The following CD200R1 variants were observed in gnomAD, a reference collection of about 807,000 sequenced individuals.
CD200R1 encodes the protein cell surface glycoprotein CD200 receptor 1.
CD200R1 carries 30 observed loss-of-function variants against 38.1 expected under a neutral mutation model. That is an observed-to-expected ratio of 0.79 (90% CI 0.59 to 1.07). The LOEUF is 1.07. Ranked by LOEUF, CD200R1 falls within the 50% of genes least tolerant of loss-of-function variation. The pLI, the probability that CD200R1 is intolerant of heterozygous loss-of-function variation, is 0.00. For missense variants in CD200R1, 372 were observed against 415.4 expected, an observed-to-expected ratio of 0.90 and a Z score of 0.91; for synonymous variants, 128 against 152.1, an observed-to-expected ratio of 0.84 and a Z score of 1.16.
At chr3:112,965,032 C>A (rs1351950777) in intron 1 of CD200R1, among the ~76,000 whole-genome samples, 1 of 152,182 alleles carries the variant, frequency 6.6e-6, no homozygotes, top group Non-Finnish European at 1.5e-5. Flanking sequence ...ATTATAAGAC[C>A]TTCCCAGCCA....
At chr3:112,945,787 T>C (rs368878019) in intron 2 of CD200R1, among the ~76,000 whole-genome samples, 1 of 152,122 alleles carries the variant, frequency 6.6e-6, no homozygotes, top group Non-Finnish European at 1.5e-5. Context: ...CACAGCACTT[T>C]GGAAGGCCGA....
At chr3:112,966,588 A>C (rs1933168901) in intron 1 of CD200R1, among the ~76,000 whole-genome samples, 1 of 152,188 alleles carries the variant, frequency 6.6e-6, no homozygotes. Context: ...CTTTAGGAAA[A>C]GGTAGCATTC....
intron 3 of CD200R1, 130 bp from the exon 4 acceptor site, chr3:112,929,637 T>C (rs933015700): frequency 6.1e-6 from 5 of 815,060 alleles, no homozygotes; most frequent in Admixed American, 3.3e-5. Flanking sequence ...ATATTAGACC[T>C]TCATAAAAAA....
chr3:112,944,448 T>C, intron 2 of CD200R1, among the ~76,000 whole-genome samples: 1 of 148,384 alleles, frequency 6.7e-6, no homozygotes, highest in East Asian at 2.0e-4. Flanking sequence ...TATGATTTTT[T>C]AAAAACTCTC....
chr3:112,958,923 T>C (rs1237135102), intron 1 of CD200R1, among the ~76,000 whole-genome samples: 1 of 152,076 alleles, frequency 6.6e-6, no homozygotes, highest in Non-Finnish European at 1.5e-5. Context: ...AGCAAGCATA[T>C]ACACCCACAC....
chr3:112,953,076 GT>G lies in CD200R1; in HGVS notation c.68-5153del, dbSNP rs756463480. On this transcript the variant is annotated intron_variant, in intron 1 of 7. Transcript: ENST00000308611. ...GGCTTTCCATTTTCCCCCATAAAGT[GT>G]GAAGCTAGCTGTGAGTTTTTCATGT... Among the ~76,000 whole-genome samples the G allele has an allele frequency of 1.3e-3, 205 of 152,300 alleles. 4 individuals are homozygous for G. The highest frequency in any genetic ancestry group is 1.2e-3 in the Admixed American group (18 of 15,304).
At chr3:112,965,353 T>C (rs1215909783) in intron 1 of CD200R1, among the ~76,000 whole-genome samples, 1 of 152,202 alleles carries the variant, frequency 6.6e-6, no homozygotes, top group Non-Finnish European at 1.5e-5. Flanking sequence ...TAGACTTAAG[T>C]CTTTCAAGAA....
chr3:112,955,217 G>T (rs965698208), intron 1 of CD200R1, among the ~76,000 whole-genome samples: 7 of 152,172 alleles, frequency 4.6e-5, no homozygotes, highest in Non-Finnish European at 1.0e-4. Context: ...TGTAGCTGAA[G>T]GATGGAATGT....
At chr3:112,955,898 T>A (rs1941088206) in intron 1 of CD200R1, among the ~76,000 whole-genome samples, 1 of 152,112 alleles carries the variant, frequency 6.6e-6, no homozygotes, top group African/African-American at 2.4e-5. Flanking sequence ...GTTTTTATGT[T>A]ATGTTATTGC....
intron 1 of CD200R1, 80 bp downstream of exon 1, chr3:112,974,711 C>T: frequency 1.1e-6 from 1 of 946,182 alleles, no homozygotes; most frequent in Non-Finnish European, 1.7e-6. Context: ...TGTATTGCCC[C>T]AGAAGAAAGA....
chr3:112,931,608 G>C lies in CD200R1; in HGVS notation c.137-437C>G, dbSNP rs1940443182. On this transcript the variant is annotated intron_variant, in intron 2 of 7. Coordinates refer to ENST00000308611, the MANE Select transcript of CD200R1 (RefSeq NM_138806.4). The stretch of plus-strand genomic sequence containing the variant: ...TTAATACAGCAGTGCCCTTTCTCAA[G>C]AATTTTAGAAGCAAAACTGAGAAGG... 2.0e-5 allele frequency among the ~76,000 whole-genome samples: 3 copies of C among 152,236 alleles called. No homozygotes were observed. The Middle Eastern group carries it at 0.01, about 518-fold the overall frequency.
intron 2 of CD200R1, among the ~76,000 whole-genome samples, chr3:112,936,435 T>C (rs1940583861): frequency 1.3e-5 from 2 of 152,248 alleles, no homozygotes; most frequent in African/African-American, 4.8e-5. Context: ...GTAAAAGTGT[T>C]CCTTTTTCTC....
At position 112,928,991 on chromosome 3, in the gene CD200R1, A is replaced by G. The variant is rs1940349368; in HGVS notation, c.594T>C (p.Ala198=). 1 of 1,613,998 alleles carries G rather than the reference A, an allele frequency of 6.2e-7. No homozygotes were observed. The highest frequency in any genetic ancestry group is 8.5e-7 in the Non-Finnish European group (1 of 1,180,008). ...CCTCTGGGATCCAGGAGATATGCGC[A>G]GCTGGCTTCCCTGCAACTGCCTTGC... ...AVCKAVAGKP[A]AHISWIPEGD... Residue 198 remains alanine (A), a synonymous_variant, in exon 5 of 8, where the codon GCT becomes GCC. Transcript: ENST00000308611.
chr3:112,925,016 G>T, intron 6 of CD200R1, 69 bp downstream of exon 6: 1 of 907,342 alleles, frequency 1.1e-6, no homozygotes, highest in Non-Finnish European at 1.8e-6. Flanking sequence ...AATACGGTCA[G>T]TTCCATATTT....
At chr3:112,960,070 G>T (rs1470074950) in intron 1 of CD200R1, among the ~76,000 whole-genome samples, 1 of 151,928 alleles carries the variant, frequency 6.6e-6, no homozygotes. Context: ...AAGATTCAGG[G>T]TTTCATTTTA....
At chr3:112,940,846 C>T (rs540287854) in intron 2 of CD200R1, among the ~76,000 whole-genome samples, 17 of 151,680 alleles carry the variant, frequency 1.1e-4, no homozygotes, top group African/African-American at 3.4e-4. Context: ...AAATATCTAT[C>T]TGCACCCCTA....
intron 1 of CD200R1, among the ~76,000 whole-genome samples, chr3:112,952,444 T>TACTA (rs1940987469): frequency 6.6e-6 from 1 of 152,178 alleles, no homozygotes; most frequent in South Asian, 2.1e-4. Flanking sequence ...CACCATGGAA[T>TACTA]ACTATGCAGC....
chr3:112,942,226 C>T (rs1940744007), intron 2 of CD200R1, among the ~76,000 whole-genome samples: 2 of 151,512 alleles, frequency 1.3e-5, no homozygotes, highest in African/African-American at 4.8e-5. Flanking sequence ...ACAGATAACA[C>T]TTTGTCCAAA....
In CD200R1 at chr3:112,923,288, A is replaced by G. The variant is rs1419845629; in HGVS notation, c.*389T>C. 6.3e-6 allele frequency: 1 copy of G among 157,940 alleles called. No homozygotes were observed. Among genetic ancestry groups the G allele is most frequent in the Non-Finnish European group, 1.4e-5 (1 of 72,046 alleles). 9.8% of individuals were successfully genotyped at this position (157,940 alleles called of 1,614,324 possible). ...TGTAAGGGGACACATAAATTGACAC[A>G]TATACCATAGGCATATACACATGTC... On this transcript the variant is annotated 3_prime_UTR_variant, in exon 8 of 8. Coordinates refer to ENST00000308611, the MANE Select transcript of CD200R1 (RefSeq NM_138806.4).
Sources: gnomAD v4.1 joint callset for allele counts (sites outside exome capture counted in the v4.1 genomes callset) on GRCh38, gnomAD v4.1.1 for gene constraint, MANE v1.5 for transcripts, NCBI Gene and HGNC (gene_info 2026-07-23, HGNC 2026-07-21) for gene names.